Variants in NF1 observed in about 807,000 individuals in gnomAD.
The protein encoded by NF1 is neurofibromin.
Under a neutral mutation model 325.7 loss-of-function variants are expected in NF1, and 122 were observed. That is an observed-to-expected ratio of 0.37 (90% CI 0.32 to 0.44). The LOEUF (loss-of-function observed/expected upper bound fraction) is 0.44, where lower values mean the gene tolerates loss of function less well. Ranked by LOEUF, NF1 falls within the 20% of genes least tolerant of loss-of-function variation. The probability of loss-of-function intolerance (pLI) is 1.00; values close to 1 mark genes in which losing one functional copy is unlikely to be tolerated. For missense variants in NF1, 2,140 were observed against 3,415.4 expected, an observed-to-expected ratio of 0.63 and a Z score of 9.31; for synonymous variants, 1,091 against 1,186.0, an observed-to-expected ratio of 0.92 and a Z score of 1.65.
At position 31,327,457 on chromosome 17, in the gene NF1, T is replaced by C. The variant is rs1181714924; in HGVS notation, c.5269-42T>C. The C allele has an allele frequency of 2.7e-6, 4 of 1,495,450 alleles. No homozygotes were observed. The South Asian group carries it at 4.5e-5, about 17-fold the overall frequency. 92.6% of individuals were successfully genotyped at this position (1,495,450 alleles called of 1,614,324 possible). A position where few individuals can be genotyped will look rare whatever the true frequency, so the allele number is the denominator to read the frequency against. On this transcript the variant is annotated intron_variant, in intron 37 of 57. Coordinates refer to ENST00000358273, the MANE Select transcript of NF1 (RefSeq NM_001042492.3). ...CCTTTTAGAATTTTATGTAAAAGAG[T>C]TTAATTCTTCTCCACTTCACCCCGT...
rs587778552 is a variant in NF1, at chr17:31,169,995, A to G, written c.584A>G (p.Lys195Arg). 19 of 1,595,204 alleles carry G rather than the reference A, an allele frequency of 1.2e-5. No homozygotes were observed. Among genetic ancestry groups the G allele is most frequent in the African/African-American group, 5.4e-5 (4 of 74,542 alleles). The change falls in exon 5 of 58, where the codon AAG becomes AGG. Residue 195 changes from lysine (K) to arginine (R), a missense_variant and splice_region_variant. Lys to Arg is a conservative substitution (Grantham distance 26). Coordinates refer to ENST00000358273, the MANE Select transcript of NF1 (RefSeq NM_001042492.3). The part of the protein sequence containing the change: ...VDCAKLKRLL[K>R]ETAFKFKALK... ...TGTGCAAAATTAAAACGACTCCTGA[A>G]GGGTAAGTTTAAATGTATAATATAT...
At position 31,155,111 on chromosome 17, in the gene NF1, A is replaced by G. The variant is rs2065635995; in HGVS notation, c.61-872A>G. Reference sequence around the variant, plus strand: ...TGGGCATGCCCCTCGGTCTCTTTCCACCTTTAGTTGTACTATGTTAAAAAT... The same window carrying G: ...TGGGCATGCCCCTCGGTCTCTTTCCGCCTTTAGTTGTACTATGTTAAAAAT... On this transcript the variant is annotated intron_variant, in intron 1 of 57. Coordinates refer to ENST00000358273, the MANE Select transcript of NF1 (RefSeq NM_001042492.3). 3.3e-5 allele frequency among the ~76,000 whole-genome samples: 5 copies of G among 152,114 alleles called. No individual in the cohort carries two copies. In the South Asian group the frequency reaches 1.0e-3, roughly 32 times the overall value.
chr17:31,222,183 G>C lies in NF1; in HGVS notation c.1721+254G>C, dbSNP rs879676918. The C allele has an allele frequency of 2.6e-6, 3 of 1,164,880 alleles. No homozygotes were observed. In the Admixed American group the frequency reaches 1.3e-4, roughly 51 times the overall value. The allele number at this position is 1,164,880 out of a possible 1,614,324, so 72.2% of individuals were successfully genotyped here. A position where few individuals can be genotyped will look rare whatever the true frequency, so the allele number is the denominator to read the frequency against. ...ACCCTAACATAAGTACTGTTGTTTG[G>C]TATATTACTTTTTTCAGATTTCAAT... On this transcript the variant is annotated intron_variant, in intron 15 of 57. Transcript: ENST00000358273.
intron 38 of NF1, among the ~76,000 whole-genome samples, 191 bp from the exon 39 acceptor site, chr17:31,330,105 A>T (rs764974532): frequency 2.8e-4 from 42 of 152,164 alleles, no homozygotes; most frequent in Non-Finnish European, 4.4e-4. Flanking sequence ...CCTTTTTATA[A>T]AATCCCTAAA....
chr17:31,211,118 C>T (rs2143941315), intron 12 of NF1, among the ~76,000 whole-genome samples: 1 of 152,288 alleles, frequency 6.6e-6, no homozygotes, highest in Admixed American at 6.5e-5. Context: ...TGGTTTGGGC[C>T]TTTAATAGAT....
chr17:31,227,430 T>C, intron 19 of NF1, 93 bp from the exon 20 acceptor site: 2 of 1,440,086 alleles, frequency 1.4e-6, no homozygotes, highest in Non-Finnish European at 2.0e-6. Flanking sequence ...TATCTGAGTA[T>C]TTAATATACA....
chr17:31,340,209 A>G (rs2069780754), intron 46 of NF1: 1 of 394,638 alleles, frequency 2.5e-6, no homozygotes, highest in African/African-American at 2.1e-5. Context: ...AAGAAATGAC[A>G]AAAGATACAA....
intron 39 of NF1, 74 bp from the exon 40 acceptor site, chr17:31,334,764 G>T (rs549311876): frequency 3.2e-6 from 4 of 1,251,482 alleles, no homozygotes; most frequent in South Asian, 2.4e-5. Flanking sequence ...TTTTTTCCCC[G>T]AATTCTTTAT....
intron 3 of NF1, among the ~76,000 whole-genome samples, chr17:31,161,020 G>T (rs1310319673): frequency 6.6e-6 from 1 of 152,150 alleles, no homozygotes; most frequent in East Asian, 1.9e-4. Context: ...TGATTTTACA[G>T]ATGTTTCTTG....
intron 36 of NF1, among the ~76,000 whole-genome samples, chr17:31,281,294 T>C (rs1393739104): frequency 6.6e-6 from 1 of 152,194 alleles, no homozygotes; most frequent in Non-Finnish European, 1.5e-5. Context: ...GACACATTGT[T>C]GAAGGTATCA....
At chr17:31,221,828 T>G in intron 14 of NF1, 22 bp from the exon 15 acceptor site, 1 of 1,558,336 alleles carries the variant, frequency 6.4e-7, no homozygotes, top group Non-Finnish European at 8.8e-7. Flanking sequence ...CTCTTTGTCT[T>G]TCTCTTTTTT....
chr17:31,157,812 A>AC (rs1416631296), intron 2 of NF1, among the ~76,000 whole-genome samples: 1 of 151,264 alleles, frequency 6.6e-6, no homozygotes, highest in Non-Finnish European at 1.5e-5. Flanking sequence ...AAAAAAAAAA[A>AC]AAACTTAGCG....
intron 1 of NF1, among the ~76,000 whole-genome samples, chr17:31,145,176 A>AT (rs1417192125): frequency 6.6e-6 from 1 of 152,070 alleles, no homozygotes; most frequent in African/African-American, 2.4e-5. Context: ...AGATCTTTGC[A>AT]TGGGTCTTCC....
chr17:31,345,373 C>G (rs922719107), intron 48 of NF1: 1 of 1,169,534 alleles, frequency 8.6e-7, no homozygotes, highest in Non-Finnish European at 1.2e-6. Flanking sequence ...TTAAAAGTCT[C>G]TCCTTCCCCC....
chr17:31,304,515 A>G, intron 36 of NF1: 1 of 1,614,170 alleles, frequency 6.2e-7, no homozygotes, highest in African/African-American at 1.3e-5. Context: ...CATTTGGAAG[A>G]GGAGATACAA....
chr17:31,152,627 T>C (rs879391833), intron 1 of NF1, among the ~76,000 whole-genome samples: 3 of 151,560 alleles, frequency 2.0e-5, no homozygotes, highest in Non-Finnish European at 2.9e-5. Context: ...TTAGTTTTCA[T>C]TTCTGAAATG....
rs2066785879 is a variant in NF1, at chr17:31,214,479, G to C, written c.1421G>C (p.Ser474Thr). The part of the protein sequence containing the change: ...PSLTFKEKVT[S>T]LKFKEKPTDL... ...CTTACATTTAAAGAAAAAGTAACAA[G>C]CCTTAAATTTAAAGAAAAACCTACA... Residue 474 changes from serine to threonine, a missense_variant, in exon 13 of 58, where the codon AGC (serine) becomes ACC (threonine). By Grantham distance (58) the Ser-to-Thr change is moderately conservative (BLOSUM62 1). Around this residue, in one of 10 missense-constraint regions of NF1, gnomAD observed 179 missense variants for 381.0 expected, o/e 0.47. Transcript: ENST00000358273. The C allele has an allele frequency of 6.2e-6, 10 of 1,604,510 alleles. No individual in the cohort carries two copies. Among genetic ancestry groups the C allele is most frequent in the Non-Finnish European group, 8.5e-6 (10 of 1,172,960 alleles).
chr17:31,203,481 A>G (rs1488973360), intron 11 of NF1, among the ~76,000 whole-genome samples: 1 of 152,130 alleles, frequency 6.6e-6, no homozygotes, highest in Non-Finnish European at 1.5e-5. Context: ...TCTCGTTAGG[A>G]TATTTTCCCC....
chr17:31,335,274 T>TTATA (rs1172994332), intron 40 of NF1, among the ~76,000 whole-genome samples: 1 of 6,712 alleles, frequency 1.5e-4, no homozygotes, highest in Admixed American at 2.3e-3. Context: ...CAAGGCATAA[T>TTATA]TATATATATA....
Sources: gnomAD v4.1 joint callset for allele counts (sites outside exome capture counted in the v4.1 genomes callset) on GRCh38, gnomAD v4.1.1 for gene constraint, gnomAD v4.1.1 regional missense constraint, MANE v1.5 for transcripts, NCBI Gene and HGNC (gene_info 2026-07-23, HGNC 2026-07-21) for gene names.